DNAH7: variants seen among roughly 807,000 people sequenced by gnomAD.
DNAH7 encodes dynein axonemal heavy chain 7.
DNAH7 carries 397 observed loss-of-function variants against 444.6 expected under a neutral mutation model. That is an observed-to-expected ratio of 0.89 (90% CI 0.82 to 0.97). The LOEUF is 0.97. Among genes scored for constraint, DNAH7 ranks in the 50% least tolerant of loss-of-function variants. DNAH7 has a pLI of 0.00. For synonymous variants in DNAH7, 1,636 were observed against 1,624.4 expected, an observed-to-expected ratio of 1.01 and a Z score of -0.17; for missense variants, 4,902 against 4,800.8, an observed-to-expected ratio of 1.02 and a Z score of -0.62.
At chr2:195,860,548 T>C (rs1408407020) in intron 42 of DNAH7, among the ~76,000 whole-genome samples, 2 of 152,072 alleles carry the variant, frequency 1.3e-5, no homozygotes, top group African/African-American at 4.8e-5. Context: ...CCACAGTGAC[T>C]ATGACAGTCC....
intron 12 of DNAH7, among the ~76,000 whole-genome samples, chr2:195,997,485 A>G (rs2125674422): frequency 6.6e-6 from 1 of 152,222 alleles, no homozygotes; most frequent in East Asian, 1.9e-4. Flanking sequence ...ACCGCACTCC[A>G]GCCTGGGTGA....
intron 10 of DNAH7, among the ~76,000 whole-genome samples, chr2:196,005,323 T>A (rs1423392052): frequency 6.6e-6 from 1 of 150,858 alleles, no homozygotes; most frequent in Middle Eastern, 3.2e-3. Context: ...TATATATATA[T>A]AACTAAACTC....
At chr2:196,006,107 A>G (rs567248039) in intron 10 of DNAH7, among the ~76,000 whole-genome samples, 1 of 152,256 alleles carries the variant, frequency 6.6e-6, no homozygotes, top group Non-Finnish European at 1.5e-5. Flanking sequence ...TGAGTCCAGG[A>G]GTTTGAGACC....
chr2:195,827,554 T>A (rs1444399872), intron 48 of DNAH7, among the ~76,000 whole-genome samples: 1 of 152,164 alleles, frequency 6.6e-6, no homozygotes, highest in Non-Finnish European at 1.5e-5. Flanking sequence ...AATGCTGGGA[T>A]TACAGGTGTG....
chr2:195,789,408 G>A (rs1265833497), intron 57 of DNAH7, among the ~76,000 whole-genome samples: 1 of 152,188 alleles, frequency 6.6e-6, no homozygotes, highest in Non-Finnish European at 1.5e-5. Context: ...AGTGTCGAAT[G>A]TGGAAGGGAG....
chr2:196,047,045 G>T (rs999843406), intron 5 of DNAH7, among the ~76,000 whole-genome samples: 3 of 151,258 alleles, frequency 2.0e-5, no homozygotes, highest in Admixed American at 6.6e-5. Context: ...CACCTGAGCA[G>T]ATGAGATTGG....
At chr2:195,765,050 T>G (rs761495476) in intron 61 of DNAH7, among the ~76,000 whole-genome samples, 1 of 151,970 alleles carries the variant, frequency 6.6e-6, no homozygotes, top group Non-Finnish European at 1.5e-5. Context: ...CACAGCCCAA[T>G]AGAACAGGAG....
chr2:195,932,602 T>G (rs1688773866), intron 21 of DNAH7, among the ~76,000 whole-genome samples: 1 of 152,148 alleles, frequency 6.6e-6, no homozygotes, highest in Non-Finnish European at 1.5e-5. Context: ...CATCAATACC[T>G]AATTTATTGA....
chr2:195,926,618 C>T (rs1354209702), intron 21 of DNAH7, 52 bp from the exon 22 acceptor site: 1 of 1,481,160 alleles, frequency 6.8e-7, no homozygotes, highest in Non-Finnish European at 9.0e-7. Flanking sequence ...ACAAGTTATA[C>T]AATTGAGAGC....
In DNAH7 at chr2:195,796,623, A is replaced by T; in HGVS notation, c.10468T>A (p.Cys3490Ser). The part of the protein sequence containing the change: ...KEGTWVVLQN[C>S]HLATSWMPTL... ...GGCATCCAAGAGGTGGCAAGGTGAC[A>T]ATTCTGAAGAACAACCCATGTTCCT... The change falls in exon 56 of 65, where the codon TGT (cysteine) becomes AGT (serine). Residue 3490 changes from cysteine to serine, a missense_variant. Coordinates refer to ENST00000312428, the MANE Select transcript of DNAH7 (RefSeq NM_018897.3). 6.2e-7 allele frequency: 1 copy of T among 1,614,154 alleles called. No individual in the cohort carries two copies. Among genetic ancestry groups the T allele is most frequent in the Non-Finnish European group, 8.5e-7 (1 of 1,179,990 alleles).
At chr2:196,001,976 A>T in intron 10 of DNAH7, 118 bp from the exon 11 acceptor site, 1 of 702,056 alleles carries the variant, frequency 1.4e-6, no homozygotes. Context: ...TATATTGCTA[A>T]ATGATATTAC....
At chr2:195,809,646 C>A (rs891893701) in intron 52 of DNAH7, 99 bp downstream of exon 52, 1 of 1,140,648 alleles carries the variant, frequency 8.8e-7, no homozygotes, top group African/African-American at 1.6e-5. Context: ...TATTGCTTAA[C>A]TATTTACAAT....
At position 195,808,894 on chromosome 2, in the gene DNAH7, G is replaced by C. The variant is rs1401285002; in HGVS notation, c.9889-18C>G. 6.2e-7 allele frequency: 1 copy of C among 1,606,878 alleles called. No individual in the cohort carries two copies. Among genetic ancestry groups the C allele is most frequent in the East Asian group, 2.2e-5 (1 of 44,756 alleles). ...TTATTAATCTTTGGAAAACAAGGCA[G>C]CGTGAAGAGTCAGAAACGAGTTCAT... On this transcript the variant is annotated intron_variant, in intron 52 of 64. Coordinates refer to ENST00000312428, the MANE Select transcript of DNAH7 (RefSeq NM_018897.3).
At position 195,984,628 on chromosome 2, in the gene DNAH7, A is replaced by G; in HGVS notation, c.1833+4T>C. On this transcript the variant is annotated splice_donor_region_variant and intron_variant, in intron 15 of 64. Coordinates refer to ENST00000312428, the MANE Select transcript of DNAH7 (RefSeq NM_018897.3). Reference sequence around the variant, plus strand: ...CACAATTATGGAGAAGCTATAAACAATACCTTCATTTCCATTAGTTCTGCT... The same window carrying G: ...CACAATTATGGAGAAGCTATAAACAGTACCTTCATTTCCATTAGTTCTGCT... 1.2e-6 allele frequency: 2 copies of G among 1,613,068 alleles called. No homozygotes were observed. Among genetic ancestry groups the G allele is most frequent in the African/African-American group, 1.3e-5 (1 of 75,046 alleles).
rs1221690527 is a variant in DNAH7, at chr2:195,873,585, A to C, written c.6396T>G (p.Thr2132=). 1 of 1,394,404 alleles carries C rather than the reference A, an allele frequency of 7.2e-7. No individual in the cohort carries two copies. 86.4% of individuals were successfully genotyped at this position (1,394,404 alleles called of 1,614,324 possible). Residue 2132 remains threonine (T), a synonymous_variant, in exon 39 of 65, where the codon ACT becomes ACG. Transcript: ENST00000312428. ...SMYTIFSRIL[T]WHLEICYKFP... is the part of the protein sequence containing the mutation. Reference sequence around the variant, plus strand: ...TTACTTACCAGATTTCTAAATGCCAAGTTAAGATTCTAGAGAAGATTGTAT... The same window carrying C: ...TTACTTACCAGATTTCTAAATGCCACGTTAAGATTCTAGAGAAGATTGTAT...
chr2:195,873,731 T>C, intron 38 of DNAH7, 37 bp from the exon 39 acceptor site: 1 of 1,443,732 alleles, frequency 6.9e-7, no homozygotes, highest in African/African-American at 1.5e-5. Context: ...ATAATGTTAC[T>C]AGTATATACA....
Position 195,926,452 on chromosome 2 carries a change from G to GTAC in DNAH7, c.3583_3585dup (p.Val1195dup). 1 of 1,597,194 alleles carries GTAC rather than the reference G, an allele frequency of 6.3e-7. No homozygotes were observed. Among genetic ancestry groups the GTAC allele is most frequent in the South Asian group, 1.1e-5 (1 of 88,210 alleles). ...TTTATCCCCATTGGAATAGCTGTTT[G>GTAC]TACTTCTTTTGTCCAAAAGATTTGG... On this transcript the variant is annotated inframe_insertion, in exon 22 of 65. Coordinates refer to ENST00000312428, the MANE Select transcript of DNAH7 (RefSeq NM_018897.3).
At chr2:195,947,811 T>G (rs975855171) in intron 19 of DNAH7, among the ~76,000 whole-genome samples, 2 of 152,206 alleles carry the variant, frequency 1.3e-5, no homozygotes, top group Admixed American at 6.5e-5. Flanking sequence ...ATATACCCAG[T>G]AATGGGATTG....
At chr2:196,047,628 T>A (rs962336393) in intron 4 of DNAH7, 129 bp from the exon 5 acceptor site, 3 of 682,918 alleles carry the variant, frequency 4.4e-6, no homozygotes, top group Non-Finnish European at 4.1e-6. Context: ...ATCCTAAGTA[T>A]AATTTTTTTT....
Sources: gnomAD v4.1 joint callset for allele counts (sites outside exome capture counted in the v4.1 genomes callset) on GRCh38, gnomAD v4.1.1 for gene constraint, MANE v1.5 for transcripts, NCBI Gene and HGNC (gene_info 2026-07-23, HGNC 2026-07-21) for gene names.